The following TBC1D5 variants were observed in gnomAD, a reference collection of about 807,000 sequenced individuals.
TBC1D5 encodes the protein TBC1 domain family, member 5.
TBC1D5 carries 75 observed loss-of-function variants against 100.3 expected under a neutral mutation model. The ratio of observed to expected loss-of-function variants is 0.75; its 90% CI spans 0.62 to 0.91. The LOEUF is 0.91. Ranked by LOEUF, TBC1D5 falls within the 40% of genes least tolerant of loss-of-function variation. TBC1D5 has a pLI of 0.00. For missense variants in TBC1D5, 910 were observed against 942.4 expected, an observed-to-expected ratio of 0.97 and a Z score of 0.45; for synonymous variants, 323 against 325.6, an observed-to-expected ratio of 0.99 and a Z score of 0.09.
chr3:17,225,649 T>C lies in TBC1D5; in HGVS notation c.1589-11279A>G, dbSNP rs2074806737. On this transcript the variant is annotated intron_variant, in intron 17 of 21. Transcript: ENST00000253692. ...AGAACCAAACTGTGAGACAGAGTAG[T>C]GGTGCGTGCCTGTAGTCCACTCATT... 3.3e-5 allele frequency among the ~76,000 whole-genome samples: 5 copies of C among 151,834 alleles called. No homozygotes were observed. The South Asian group carries it at 6.2e-4, about 19-fold the overall frequency.
At chr3:17,522,932 C>A (rs2096078761) in intron 2 of TBC1D5, among the ~76,000 whole-genome samples, 1 of 152,102 alleles carries the variant, frequency 6.6e-6, no homozygotes, top group Admixed American at 6.5e-5. Flanking sequence ...AAACTTCATA[C>A]CATGCTTTGT....
At chr3:17,202,044 A>C (rs117761730) in intron 18 of TBC1D5, among the ~76,000 whole-genome samples, 4,067 of 152,282 alleles carry the variant, frequency 0.027, 181 homozygotes, top group East Asian at 0.21. Context: ...GATGAGGGAA[A>C]GTTTGGAACT....
At chr3:17,303,532 CCA>C (rs1378306365) in intron 14 of TBC1D5, among the ~76,000 whole-genome samples, 3 of 152,128 alleles carry the variant, frequency 2.0e-5, no homozygotes, top group African/African-American at 7.2e-5. Flanking sequence ...AAGTAAAACC[CCA>C]GTTTCCTCAC....
chr3:17,338,047 G>C (rs1195641654), intron 13 of TBC1D5, among the ~76,000 whole-genome samples: 2 of 152,224 alleles, frequency 1.3e-5, no homozygotes, highest in East Asian at 1.9e-4. Flanking sequence ...CCAAAGAAGA[G>C]AGGAAACAAA....
intron 3 of TBC1D5, among the ~76,000 whole-genome samples, chr3:17,478,034 A>G (rs1266309376): frequency 1.3e-5 from 2 of 152,158 alleles, no homozygotes; most frequent in African/African-American, 4.8e-5. Context: ...AAACTTGATT[A>G]AAGAATTTAT....
At chr3:17,556,969 G>A (rs1041964196) in intron 2 of TBC1D5, among the ~76,000 whole-genome samples, 3 of 152,082 alleles carry the variant, frequency 2.0e-5, no homozygotes, top group Admixed American at 6.6e-5. Flanking sequence ...AAAAGCCAAC[G>A]CAAATTTACA....
At chr3:17,209,097 AT>A (rs1310369361) in intron 18 of TBC1D5, among the ~76,000 whole-genome samples, 6 of 152,138 alleles carry the variant, frequency 3.9e-5, no homozygotes, top group African/African-American at 2.4e-5. Context: ...ACCATTTTAA[AT>A]TCTTTTACCC....
chr3:17,716,026 TG>T (rs1263244004), intron 1 of TBC1D5, among the ~76,000 whole-genome samples: 3 of 151,858 alleles, frequency 2.0e-5, no homozygotes, highest in African/African-American at 4.8e-5. Flanking sequence ...GACTCCAGCC[TG>T]GGCGAAAAGA....
chr3:17,443,595 C>T (rs1017632982), intron 3 of TBC1D5, among the ~76,000 whole-genome samples: 1 of 152,132 alleles, frequency 6.6e-6, no homozygotes, highest in Non-Finnish European at 1.5e-5. Context: ...CTTTGGCTTA[C>T]GTAAACTCTA....
intron 3 of TBC1D5, among the ~76,000 whole-genome samples, chr3:17,443,837 A>G (rs1440525967): frequency 6.6e-6 from 1 of 152,234 alleles, no homozygotes; most frequent in Non-Finnish European, 1.5e-5. Flanking sequence ...GTGAACTGAA[A>G]GATCAACAAA....
chr3:17,504,532 T>A (rs2095824006), intron 3 of TBC1D5, among the ~76,000 whole-genome samples: 1 of 152,136 alleles, frequency 6.6e-6, no homozygotes, highest in Non-Finnish European at 1.5e-5. Context: ...AAATGGCATG[T>A]GTGAAGGCCC....
intron 3 of TBC1D5, among the ~76,000 whole-genome samples, chr3:17,464,139 C>T (rs773334277): frequency 1.3e-4 from 19 of 151,766 alleles, no homozygotes; most frequent in African/African-American, 1.9e-4. Flanking sequence ...TTAGTAGAGA[C>T]GGGGTTTCTC....
intron 16 of TBC1D5, among the ~76,000 whole-genome samples, chr3:17,254,466 A>T (rs2077452126): frequency 1.3e-5 from 2 of 152,032 alleles, no homozygotes; most frequent in Admixed American, 1.3e-4. Flanking sequence ...CTGATGACTA[A>T]TGTTGAACAT....
At chr3:17,210,960 C>A (rs1033765448) in intron 18 of TBC1D5, among the ~76,000 whole-genome samples, 1 of 151,832 alleles carries the variant, frequency 6.6e-6, no homozygotes, top group Non-Finnish European at 1.5e-5. Context: ...TGTATACATT[C>A]GAAAAGGTAT....
At chr3:17,613,300 G>C (rs1352961124) in intron 2 of TBC1D5, among the ~76,000 whole-genome samples, 1 of 152,200 alleles carries the variant, frequency 6.6e-6, no homozygotes, top group Non-Finnish European at 1.5e-5. Context: ...GGACATTTGG[G>C]TTGGTTCCAA....
intron 8 of TBC1D5, 133 bp from the exon 9 acceptor site, chr3:17,384,148 C>G: frequency 1.5e-6 from 1 of 648,966 alleles, no homozygotes; most frequent in Non-Finnish European, 2.6e-6. Flanking sequence ...GTAACTTATG[C>G]CTTTAGTGGG....
chr3:17,225,454 A>AC (rs1272550875), intron 17 of TBC1D5, among the ~76,000 whole-genome samples: 3 of 151,224 alleles, frequency 2.0e-5, no homozygotes, highest in Non-Finnish European at 1.5e-5. Context: ...AAAAAAAAAA[A>AC]AACAAAAAAC....
chr3:17,374,722 ATAAT>A (rs774085401), intron 10 of TBC1D5, 43 bp from the exon 11 acceptor site: 3 of 1,590,088 alleles, frequency 1.9e-6, no homozygotes, highest in South Asian at 1.1e-5. Flanking sequence ...TAATTTTTGA[ATAAT>A]TAAAGAGGCA....
intron 1 of TBC1D5, among the ~76,000 whole-genome samples, chr3:17,694,845 G>C (rs146642105): frequency 0.017 from 2,522 of 152,304 alleles, 52 homozygotes; most frequent in South Asian, 0.048. Flanking sequence ...GGCAGCCAGA[G>C]AGAAAGGTCG....
Sources: gnomAD v4.1 joint callset for allele counts (sites outside exome capture counted in the v4.1 genomes callset) on GRCh38, gnomAD v4.1.1 for gene constraint, MANE v1.5 for transcripts, NCBI Gene and HGNC (gene_info 2026-07-23, HGNC 2026-07-21) for gene names.